Variants in TCERG1 observed in about 807,000 individuals in gnomAD.
The protein encoded by TCERG1 is transcription elongation regulator 1, also known as TATA box binding protein (TBP)-associated factor, RNA polymerase II, S, 150kD.
Under a neutral mutation model 144.7 loss-of-function variants are expected in TCERG1, and 37 were observed. That is an observed-to-expected ratio of 0.26 (90% CI 0.20 to 0.34). The LOEUF is 0.34. Ranked by LOEUF, TCERG1 falls within the 10% of genes least tolerant of loss-of-function variation. The probability of loss-of-function intolerance (pLI) is 1.00; values close to 1 mark genes in which losing one functional copy is unlikely to be tolerated. For missense variants in TCERG1, 1,027 were observed against 1,380.7 expected (o/e 0.74, Z 4.06); for synonymous variants, 492 against 458.2 (o/e 1.07, Z -0.94).
At chr5:146,453,765 C>G (rs1392312207) in intron 1 of TCERG1, among the ~76,000 whole-genome samples, 5 of 150,618 alleles carry the variant, frequency 3.3e-5, no homozygotes, top group Admixed American at 6.6e-5. Context: ...TGGCAAAACC[C>G]TGTCTCTAAA....
intron 12 of TCERG1, 137 bp downstream of exon 12, chr5:146,480,231 T>A (rs975670490): frequency 1.9e-6 from 1 of 524,758 alleles, no homozygotes; most frequent in African/African-American, 2.0e-5. Context: ...TGATAATAAA[T>A]AGCTTTGTTT....
intron 17 of TCERG1, 91 bp downstream of exon 17, chr5:146,498,777 G>A: frequency 7.3e-7 from 1 of 1,365,396 alleles, no homozygotes; most frequent in South Asian, 1.8e-5. Context: ...TTATTCATTG[G>A]CATAAATAAT....
Position 146,470,743 on chromosome 5 carries a change from A to C in TCERG1, c.1507A>C (p.Lys503Gln). Residue 503 changes from lysine (K) to glutamine (Q), a missense_variant, in exon 8 of 23, where the codon AAG becomes CAG. This residue lies in a region of TCERG1 where 482 missense variants were observed against 632.6 expected (regional missense o/e 0.76). Coordinates refer to ENST00000679501, the MANE Select transcript of TCERG1 (RefSeq NM_001382548.1). ...DPKEEPIKEI[K>Q]EEPKEEEMTE... ...TAAAGAAGAGCCTATAAAGGAGATA[A>C]AGGAGGTAAAGGGCCATGACCTGTT... 1 of 1,607,008 alleles carries C rather than the reference A, an allele frequency of 6.2e-7. No individual in the cohort carries two copies. Among genetic ancestry groups the C allele is most frequent in the Non-Finnish European group, 8.5e-7 (1 of 1,177,668 alleles).
At position 146,470,655 on chromosome 5, in the gene TCERG1, T is replaced by C; in HGVS notation, c.1419T>C (p.Ile473=). ...TCATAGAAAAGTTAGAAGAGAAGAT[T>C]AAAGAGCCAATTAAAGAACCCTCTG... The part of the protein sequence containing the change: ...LKEKEKLEEK[I]KEPIKEPSEE... Residue 473 remains isoleucine (I), a synonymous_variant, in exon 8 of 23, where the codon ATT becomes ATC. Transcript: ENST00000679501. The C allele has an allele frequency of 6.2e-7, 1 of 1,607,150 alleles. No individual in the cohort carries two copies. Among genetic ancestry groups the C allele is most frequent in the East Asian group, 2.2e-5 (1 of 44,830 alleles).
Position 146,459,348 on chromosome 5 carries a change from C to T in TCERG1, c.892+11C>T. On this transcript the variant is annotated intron_variant, in intron 4 of 22. Coordinates refer to ENST00000679501, the MANE Select transcript of TCERG1 (RefSeq NM_001382548.1). Reference sequence around the variant, plus strand: ...CGCAGACAGTATCAAGTGAGTACCACTCAGCATGTGTTTTTATATAGGGGC... The same window carrying T: ...CGCAGACAGTATCAAGTGAGTACCATTCAGCATGTGTTTTTATATAGGGGC... 2.5e-6 allele frequency: 4 copies of T among 1,610,278 alleles called. No homozygotes were observed. The highest frequency in any genetic ancestry group is 3.4e-6 in the Non-Finnish European group (4 of 1,177,426).
Position 146,477,099 on chromosome 5 carries a change from C to T in TCERG1, c.1602-1394C>T, listed in dbSNP as rs985811247. On this transcript the variant is annotated intron_variant, in intron 9 of 22. Coordinates refer to ENST00000679501, the MANE Select transcript of TCERG1 (RefSeq NM_001382548.1). ...CATCTTCTAATTCACTGATTGTTTC[C>T]TGGCGTCTCCATTCTGTCTTGAGCC... is the stretch of plus-strand genomic sequence containing the variant. 6.6e-5 allele frequency among the ~76,000 whole-genome samples: 10 copies of T among 152,212 alleles called. No homozygotes were observed. In the East Asian group the frequency reaches 1.9e-3, roughly 29 times the overall value.
chr5:146,471,477 A>G lies in TCERG1; in HGVS notation c.1513-11A>G, dbSNP rs1764291950. Reference sequence around the variant, plus strand: ...ATGTGATACTAATTAGAGTAATATCATTTCTTGTAGGAGCCCAAAGAAGAG... The same window carrying G: ...ATGTGATACTAATTAGAGTAATATCGTTTCTTGTAGGAGCCCAAAGAAGAG... On this transcript the variant is annotated splice_polypyrimidine_tract_variant and intron_variant, in intron 8 of 22. Transcript: ENST00000679501. The G allele has an allele frequency of 3.1e-6, 5 of 1,608,240 alleles. No homozygotes were observed. The highest frequency in any genetic ancestry group is 1.7e-4 in the Middle Eastern group (1 of 6,034).
At chr5:146,509,099 G>A (rs1768244790) in intron 21 of TCERG1, 46 bp from the exon 22 acceptor site, 2 of 1,105,688 alleles carry the variant, frequency 1.8e-6, no homozygotes, top group Non-Finnish European at 1.3e-6. Flanking sequence ...TTTGGAATTA[G>A]TGGGTTTTAT....
chr5:146,477,565 C>G (rs188612646), intron 9 of TCERG1, among the ~76,000 whole-genome samples: 5 of 150,162 alleles, frequency 3.3e-5, no homozygotes, highest in Admixed American at 3.3e-4. Context: ...CTATACTATA[C>G]AGAGTCTGAA....
At position 146,459,179 on chromosome 5, in the gene TCERG1, C is replaced by G; in HGVS notation, c.734C>G (p.Ala245Gly). The G allele has an allele frequency of 1.2e-6, 2 of 1,614,020 alleles. No individual in the cohort carries two copies. Among genetic ancestry groups the G allele is most frequent in the Non-Finnish European group, 1.7e-6 (2 of 1,179,924 alleles). ...AQAQAQAQVQAQVQAQVQAQA... is the reference protein window; with the variant it reads ...AQAQAQAQVQGQVQAQVQAQA... ...GCCCAGGCCCAGGCTCAGGTCCAGG[C>G]CCAGGTCCAGGCACAAGTGCAAGCA... The change falls in exon 4 of 23, where the codon GCC (alanine) becomes GGC (glycine). Residue 245 changes from alanine to glycine, a missense_variant. Around this residue, in one of 6 missense-constraint regions of TCERG1, gnomAD observed 187 missense variants for 169.1 expected, o/e 1.11. Coordinates refer to ENST00000679501, the MANE Select transcript of TCERG1 (RefSeq NM_001382548.1).
At position 146,465,705 on chromosome 5, in the gene TCERG1, A is replaced by G. The variant is rs1181611246; in HGVS notation, c.1135+1912A>G. 2.0e-5 allele frequency among the ~76,000 whole-genome samples: 3 copies of G among 152,278 alleles called. No individual in the cohort carries two copies. In the East Asian group the frequency reaches 5.8e-4, roughly 29 times the overall value. On this transcript the variant is annotated intron_variant, in intron 5 of 22. Coordinates refer to ENST00000679501, the MANE Select transcript of TCERG1 (RefSeq NM_001382548.1). The stretch of plus-strand genomic sequence containing the variant: ...GAAGAGAACTTGAATTGGATAGTCT[A>G]AGATTTCTTTGGAGAGAGTGAGTGT...
intron 10 of TCERG1, among the ~76,000 whole-genome samples, chr5:146,479,458 A>G (rs1257374522): frequency 3.9e-5 from 6 of 152,174 alleles, no homozygotes; most frequent in Non-Finnish European, 8.8e-5. Context: ...TTTTATAGGT[A>G]TGATAATAAT....
chr5:146,469,628 G>A lies in TCERG1; in HGVS notation c.1283G>A (p.Gly428Glu). 1.2e-6 allele frequency: 2 copies of A among 1,613,572 alleles called. No individual in the cohort carries two copies. Among genetic ancestry groups the A allele is most frequent in the Non-Finnish European group, 1.7e-6 (2 of 1,179,710 alleles). ...GCAGCTTCACCTGCTACCTTAGCTG[G>A]AGCAACAGCAGTTTCTGAATGGACT... The part of the protein sequence containing the change: ...AIAASPATLA[G>E]ATAVSEWTEY... Residue 428 changes from glycine to glutamate, a missense_variant, in exon 7 of 23, where the codon GGA becomes GAA. Transcript: ENST00000679501.
In TCERG1 at chr5:146,480,048, A is replaced by C. The variant is rs989582214; in HGVS notation, c.1840A>C (p.Met614Leu). The change falls in exon 12 of 23, where the codon ATG becomes CTG. Residue 614 changes from methionine (M) to leucine (L), a missense_variant. This residue lies in a region of TCERG1 where 482 missense variants were observed against 632.6 expected (regional missense o/e 0.76). Coordinates refer to ENST00000679501, the MANE Select transcript of TCERG1 (RefSeq NM_001382548.1). ...MSAIKEEQELMEEINEDEPVK... is the reference protein window; with the variant it reads ...MSAIKEEQELLEEINEDEPVK... ...TATAGTTAAAGAGGAACAAGAATTA[A>C]TGGAAGAAATTAATGAAGATGAGCC... 2 of 1,601,732 alleles carry C rather than the reference A, an allele frequency of 1.2e-6. No homozygotes were observed. Among genetic ancestry groups the C allele is most frequent in the Non-Finnish European group, 1.7e-6 (2 of 1,175,124 alleles).
At chr5:146,490,542 C>G (rs558417357) in intron 15 of TCERG1, among the ~76,000 whole-genome samples, 2 of 152,268 alleles carry the variant, frequency 1.3e-5, no homozygotes, top group South Asian at 4.1e-4. Flanking sequence ...ATTCCTATTC[C>G]TTTATATGTG....
At chr5:146,469,448 T>C in intron 6 of TCERG1, 96 bp from the exon 7 acceptor site, 1 of 1,023,270 alleles carries the variant, frequency 9.8e-7, no homozygotes, top group Non-Finnish European at 1.4e-6. Flanking sequence ...CATTCATTTA[T>C]TAATATTTAA....
At chr5:146,501,421 TA>T (rs1767437872) in intron 17 of TCERG1, among the ~76,000 whole-genome samples, 1 of 152,246 alleles carries the variant, frequency 6.6e-6, no homozygotes, top group African/African-American at 2.4e-5. Flanking sequence ...TAATTTTATT[TA>T]AAGTTCACTT....
At chr5:146,482,857 G>A in intron 14 of TCERG1, 130 bp downstream of exon 14, 1 of 1,271,492 alleles carries the variant, frequency 7.9e-7, no homozygotes, top group Non-Finnish European at 1.0e-6. Flanking sequence ...TAAAATTACT[G>A]TACATTTTTT....
chr5:146,507,269 CA>C lies in TCERG1; in HGVS notation c.2961+65del. 6.9e-7 allele frequency: 1 copy of C among 1,438,976 alleles called. No individual in the cohort carries two copies. The allele number at this position is 1,438,976 out of a possible 1,614,324, so 89.1% of individuals were successfully genotyped here. A position where few individuals can be genotyped will look rare whatever the true frequency, so the allele number is the denominator to read the frequency against. ...GAATCTTGTTAGTAATTTCTTAAAG[CA>C]AAGCATTGATATGATTTTTAGTGTC... On this transcript the variant is annotated intron_variant, in intron 20 of 22. Transcript: ENST00000679501. This position sits in a 1 kb window ranked among gnomAD's most constrained non-coding sequence, Gnocchi z 4.6.
Sources: gnomAD v4.1 joint callset for allele counts (sites outside exome capture counted in the v4.1 genomes callset) on GRCh38, gnomAD v4.1.1 for gene constraint, gnomAD v4.1.1 regional missense constraint, Gnocchi (gnomAD v3.1) non-coding constraint, MANE v1.5 for transcripts, NCBI Gene and HGNC (gene_info 2026-07-23, HGNC 2026-07-21) for gene names.